TBL1X: variants seen among roughly 807,000 people sequenced by gnomAD.
The protein encoded by TBL1X is transducin beta like 1 X-linked.
In TBL1X, 10 loss-of-function variants were observed where a neutral mutation model predicts 50.7. The observed-to-expected ratio is 0.20, with a 90% CI of 0.12 to 0.33. The LOEUF is 0.33. TBL1X is among the 10% of genes least tolerant of loss of function. The pLI, the probability that TBL1X is intolerant of heterozygous loss-of-function variation, is 1.00. For synonymous variants in TBL1X, 190 were observed against 214.7 expected (o/e 0.88, Z 1.01); for missense variants, 340 against 504.4 (o/e 0.67, Z 3.12).
rs1313807539 is a variant in TBL1X at position 9,718,743 on chromosome X, A to G, written c.*2497A>G. 2 of 112,167 alleles carry G rather than the reference A, an allele frequency of 1.8e-5. No homozygotes were observed. Among genetic ancestry groups the G allele is most frequent in the African/African-American group, 3.2e-5 (1 of 30,861 alleles). The allele number at this position is 112,167 out of a possible 1,213,427, so 9.2% of individuals were successfully genotyped here. A position where few individuals can be genotyped will look rare whatever the true frequency, so the allele number is the denominator to read the frequency against. ...AATCTTCACATGAATGTCGGTAGCC[A>G]GGGTCTCTCCCGAGGGATGGCTTTA... On this transcript the variant is annotated 3_prime_UTR_variant, in exon 18 of 18. Coordinates refer to ENST00000645353, the MANE Select transcript of TBL1X (RefSeq NM_005647.4).
At chrX:9,585,226 A>T (rs1229022919) in intron 2 of TBL1X, among the ~76,000 whole-genome samples, 2 of 110,520 alleles carry the variant, frequency 1.8e-5, no homozygotes, top group African/African-American at 6.6e-5. Flanking sequence ...TTCATTCATC[A>T]CCAGAGACAG....
At chrX:9,609,239 C>T (rs1393118301) in intron 2 of TBL1X, among the ~76,000 whole-genome samples, 1 of 111,308 alleles carries the variant, frequency 9.0e-6, no homozygotes, top group Non-Finnish European at 1.9e-5. Context: ...ATGCTGTAAG[C>T]AGTTTTTAAA....
At position 9,466,902 on chromosome X, in the gene TBL1X, C is replaced by T; in HGVS notation, c.-201+1455C>T. 2.7e-5 allele frequency among the ~76,000 whole-genome samples: 3 copies of T among 112,145 alleles called. No individual in the cohort carries two copies. In the South Asian group the frequency reaches 1.1e-3, roughly 42 times the overall value. ...CAACAAAAGTTGTTCATCACTGGATCACCGGCCCTTAAGGCGATTCCAGCC... is the reference window on the plus strand; with the variant it reads ...CAACAAAAGTTGTTCATCACTGGATTACCGGCCCTTAAGGCGATTCCAGCC... On this transcript the variant is annotated intron_variant, in intron 1 of 17. Transcript: ENST00000645353.
At chrX:9,577,415 C>T (rs1453493839) in intron 2 of TBL1X, among the ~76,000 whole-genome samples, 3 of 112,047 alleles carry the variant, frequency 2.7e-5, no homozygotes, top group Non-Finnish European at 1.9e-5. Context: ...CCGGCCCCAC[C>T]TAGGCCTGAT....
Position 9,716,346 on chromosome X carries a change from G to T in TBL1X, c.*100G>T, listed in dbSNP as rs1312876525. The T allele has an allele frequency of 1.1e-6, 1 of 909,505 alleles. No individual in the cohort carries two copies. Among genetic ancestry groups the T allele is most frequent in the African/African-American group, 2.0e-5 (1 of 50,658 alleles). 75.0% of individuals were successfully genotyped at this position (909,505 alleles called of 1,213,427 possible). ...CCAAAACTGTAGGAACTTGACTTGCGTTAGAGTGTACTCTGAAACCAACTC... is the reference window on the plus strand; with the variant it reads ...CCAAAACTGTAGGAACTTGACTTGCTTTAGAGTGTACTCTGAAACCAACTC... On this transcript the variant is annotated 3_prime_UTR_variant, in exon 18 of 18. Coordinates refer to ENST00000645353, the MANE Select transcript of TBL1X (RefSeq NM_005647.4).
intron 1 of TBL1X, among the ~76,000 whole-genome samples, chrX:9,471,958 G>A (rs903305746): frequency 9.0e-6 from 1 of 111,459 alleles, no homozygotes; most frequent in African/African-American, 3.3e-5. Flanking sequence ...GTAGGGAGGA[G>A]GTGAGGCTCT....
chrX:9,476,673 C>T (rs749400544), intron 1 of TBL1X, among the ~76,000 whole-genome samples: 5 of 111,661 alleles, frequency 4.5e-5, no homozygotes, highest in African/African-American at 6.5e-5. Context: ...GCCCCTGGGA[C>T]GTGGAATCTG....
intron 2 of TBL1X, among the ~76,000 whole-genome samples, chrX:9,622,988 A>G (rs1329621273): frequency 8.9e-6 from 1 of 111,906 alleles, no homozygotes; most frequent in Non-Finnish European, 1.9e-5. Context: ...GTTCCTTTGC[A>G]TATACCTAGA....
At chrX:9,624,040 A>G (rs1380070736) in intron 2 of TBL1X, among the ~76,000 whole-genome samples, 2 of 112,377 alleles carry the variant, frequency 1.8e-5, no homozygotes, top group Non-Finnish European at 3.8e-5. Flanking sequence ...TTAAGGAACT[A>G]TCTATTCCCA....
intron 2 of TBL1X, among the ~76,000 whole-genome samples, chrX:9,533,710 G>A (rs2082173685): frequency 9.0e-6 from 1 of 111,059 alleles, no homozygotes; most frequent in Admixed American, 9.6e-5. Flanking sequence ...AAAATGTGGA[G>A]GTCAGGGATG....
At chrX:9,531,358 T>TGG (rs1569216638) in intron 2 of TBL1X, among the ~76,000 whole-genome samples, 8 of 74,666 alleles carry the variant, frequency 1.1e-4, no homozygotes, top group African/African-American at 6.1e-4. Flanking sequence ...CTGGAGGGTG[T>TGG]GTGTGTGTGT....
In TBL1X at chrX:9,640,203, A is replaced by G. The variant is rs561377318; in HGVS notation, c.-130-70A>G. 5.3e-5 allele frequency: 6 copies of G among 112,486 alleles called. 1 individual carries two copies. Among genetic ancestry groups the G allele is most frequent in the Admixed American group, 3.8e-4 (4 of 10,650 alleles). 9.3% of individuals were successfully genotyped at this position (112,486 alleles called of 1,213,427 possible). A position where few individuals can be genotyped will look rare whatever the true frequency, so the allele number is the denominator to read the frequency against. On this transcript the variant is annotated intron_variant, in intron 2 of 17. Coordinates refer to ENST00000645353, the MANE Select transcript of TBL1X (RefSeq NM_005647.4). ...AGAAGAAAAAACCTAAAGGAACGGG[A>G]TGGTTGAGAGGTAAACACACCCCAA...
chrX:9,583,736 T>C (rs1398644304), intron 2 of TBL1X, among the ~76,000 whole-genome samples: 1 of 112,062 alleles, frequency 8.9e-6, no homozygotes, highest in Non-Finnish European at 1.9e-5. Context: ...ATTAACACAG[T>C]ATATAAATGC....
intron 2 of TBL1X, among the ~76,000 whole-genome samples, chrX:9,559,097 A>T (rs918246944): frequency 9.0e-6 from 1 of 111,711 alleles, no homozygotes; most frequent in Non-Finnish European, 1.9e-5. Flanking sequence ...TGAATCCAGC[A>T]TCTAACTATA....
intron 2 of TBL1X, among the ~76,000 whole-genome samples, chrX:9,638,756 TGTG>T (rs754970378): frequency 3.6e-5 from 4 of 111,823 alleles, no homozygotes; most frequent in African/African-American, 1.3e-4. Flanking sequence ...TGGAACTTAT[TGTG>T]GTGACAGCTG....
chrX:9,705,475 C>CT (rs1001370253), intron 13 of TBL1X, among the ~76,000 whole-genome samples: 10 of 111,682 alleles, frequency 9.0e-5, no homozygotes, highest in African/African-American at 2.6e-4. Flanking sequence ...CAAATGGAGA[C>CT]TAAGTGTGGT....
At chrX:9,608,268 T>G (rs780150260) in intron 2 of TBL1X, among the ~76,000 whole-genome samples, 1 of 111,825 alleles carries the variant, frequency 8.9e-6, no homozygotes, top group East Asian at 2.8e-4. Flanking sequence ...CCTTGACCAC[T>G]GGGTTTAGGT....
chrX:9,545,655 C>T (rs1486442231), intron 2 of TBL1X, among the ~76,000 whole-genome samples: 1 of 110,736 alleles, frequency 9.0e-6, no homozygotes, highest in African/African-American at 3.3e-5. Context: ...AGGTTGCTCC[C>T]TTTCCCCCCT....
intron 2 of TBL1X, among the ~76,000 whole-genome samples, chrX:9,632,863 G>A (rs1171644901): frequency 9.0e-6 from 1 of 111,643 alleles, no homozygotes; most frequent in Non-Finnish European, 1.9e-5. Flanking sequence ...GAGTGCTCCA[G>A]TAGTAACATT....
Sources: allele counts gnomAD v4.1 joint callset (sites outside exome capture counted in the v4.1 genomes callset), GRCh38; gene constraint gnomAD v4.1.1; transcripts MANE v1.5; gene names NCBI Gene and HGNC (gene_info 2026-07-23, HGNC 2026-07-21).